The following SH2D4B variants were observed in gnomAD, a reference collection of about 807,000 sequenced individuals.
SH2D4B encodes the protein SH2 domain-containing protein 4B.
Under a neutral mutation model 61.5 loss-of-function variants are expected in SH2D4B, and 45 were observed. That is an observed-to-expected ratio of 0.73 (90% confidence interval 0.58 to 0.94). SH2D4B has a LOEUF of 0.94. Among genes scored for constraint, SH2D4B ranks in the 40% least tolerant of loss-of-function variants. The probability of loss-of-function intolerance (pLI) is 0.00; values close to 1 mark genes in which losing one functional copy is unlikely to be tolerated. For missense variants in SH2D4B, 572 were observed against 574.2 expected, an observed-to-expected ratio of 1.00 and a Z score of 0.04; for synonymous variants, 224 against 220.4, an observed-to-expected ratio of 1.02 and a Z score of -0.14.
At chr10:80,602,335 C>T (rs560069578) in intron 4 of SH2D4B, among the ~76,000 whole-genome samples, 165 of 152,244 alleles carry the variant, frequency 1.1e-3, no homozygotes, top group African/African-American at 3.8e-3. Flanking sequence ...TGGTGGCGCA[C>T]ACCTGTACTC....
chr10:80,566,658 G>C (rs927813813), intron 1 of SH2D4B, among the ~76,000 whole-genome samples: 1 of 152,120 alleles, frequency 6.6e-6, no homozygotes, highest in Admixed American at 6.5e-5. Flanking sequence ...AAAGAGGGGG[G>C]ATCTCTGCTG....
intron 4 of SH2D4B, among the ~76,000 whole-genome samples, chr10:80,594,927 A>C (rs761291536): frequency 4.3e-4 from 66 of 152,322 alleles, no homozygotes; most frequent in Non-Finnish European, 5.7e-4. Flanking sequence ...GGGAAGGTGG[A>C]TGGGTGGAAA....
In SH2D4B at chr10:80,546,034, T is replaced by TTCTC. The variant is rs1196253970; in HGVS notation, c.184+7525_184+7528dup. Among the ~76,000 whole-genome samples the TTCTC allele has an allele frequency of 8.6e-5, 13 of 151,132 alleles. No individual in the cohort carries two copies. In the South Asian group the frequency reaches 1.3e-3, roughly 15 times the overall value. On this transcript the variant is annotated intron_variant, in intron 1 of 7. Transcript: ENST00000646907. ...TCTTTCTTTCTTTCTCTTTCTTTCT[T>TTCTC]TCTCTCTCTTTCTTTTTTTTTTTTT...
intron 5 of SH2D4B, among the ~76,000 whole-genome samples, chr10:80,605,836 A>T (rs938478805): frequency 6.6e-6 from 1 of 152,166 alleles, no homozygotes; most frequent in African/African-American, 2.4e-5. Flanking sequence ...TATTTTCTAA[A>T]TTTGGGGGCA....
At chr10:80,558,402 A>ATT (rs1183520785) in intron 1 of SH2D4B, among the ~76,000 whole-genome samples, 3 of 152,206 alleles carry the variant, frequency 2.0e-5, no homozygotes, top group African/African-American at 7.2e-5. Flanking sequence ...TACTTATCCT[A>ATT]TTAATCACCA....
intron 7 of SH2D4B, 34 bp from the exon 8 acceptor site, chr10:80,643,959 T>C (rs1389740413): frequency 6.4e-7 from 1 of 1,557,618 alleles, no homozygotes; most frequent in East Asian, 2.2e-5. Context: ...CCTGTCTTGA[T>C]TATAAGTGGA....
chr10:80,615,595 G>A (rs1842651379), intron 6 of SH2D4B, among the ~76,000 whole-genome samples: 2 of 152,216 alleles, frequency 1.3e-5, no homozygotes, highest in Non-Finnish European at 2.9e-5. Context: ...GGAAAATCTG[G>A]GGATGCCCTG....
chr10:80,616,707 A>T (rs1267638665), intron 6 of SH2D4B, among the ~76,000 whole-genome samples: 1 of 152,110 alleles, frequency 6.6e-6, no homozygotes, highest in African/African-American at 2.4e-5. Flanking sequence ...TATCTATGGG[A>T]TGTGGTGGTT....
chr10:80,587,151 GTT>G (rs58312366), intron 3 of SH2D4B, among the ~76,000 whole-genome samples: 655 of 48,338 alleles, frequency 0.014, 12 homozygotes, highest in African/African-American at 0.076. Context: ...TTTTTGTTTT[GTT>G]TTTTTTTTTT....
intron 3 of SH2D4B, among the ~76,000 whole-genome samples, chr10:80,586,457 T>A (rs1364444555): frequency 1.3e-5 from 2 of 152,152 alleles, no homozygotes. Flanking sequence ...TGTGTCTACC[T>A]CAGGGTTTGT....
rs950426380 is a variant in SH2D4B, at chr10:80,539,046, G to A, written c.184+531G>A. 1.3e-5 allele frequency among the ~76,000 whole-genome samples: 2 copies of A among 152,206 alleles called. No homozygotes were observed. The highest frequency in any genetic ancestry group is 6.5e-5 in the Admixed American group (1 of 15,288). On this transcript the variant is annotated intron_variant, in intron 1 of 7. Coordinates refer to ENST00000646907, the MANE Select transcript of SH2D4B (RefSeq NM_001388272.1). This position sits in a 1 kb window ranked among gnomAD's most constrained non-coding sequence, Gnocchi z 4.9. ...GTCTCTGGAGCCCCACTGGGCATCC[G>A]GAGAGAGGGCATCAGGGAACGTCCC...
At chr10:80,561,923 C>T (rs1841906068) in intron 1 of SH2D4B, among the ~76,000 whole-genome samples, 1 of 151,966 alleles carries the variant, frequency 6.6e-6, no homozygotes, top group African/African-American at 2.4e-5. Flanking sequence ...CATTTTGCAA[C>T]AGACTGAATG....
At chr10:80,572,968 A>T (rs1475962177) in intron 3 of SH2D4B, among the ~76,000 whole-genome samples, 1 of 6,250 alleles carries the variant, frequency 1.6e-4, no homozygotes, top group Non-Finnish European at 2.9e-4. Flanking sequence ...ATATATATAT[A>T]TATATATATA....
Position 80,554,993 on chromosome 10 carries a change from G to A in SH2D4B, c.185-15161G>A, listed in dbSNP as rs182097918. 6.2e-3 allele frequency among the ~76,000 whole-genome samples: 756 copies of A among 121,756 alleles called. 8 individuals are homozygous for A. The highest frequency in any genetic ancestry group is 0.023 in the African/African-American group (725 of 30,864). 79.9% of individuals were successfully genotyped at this position (121,756 alleles called of 152,430 possible). A position where few individuals can be genotyped will look rare whatever the true frequency, so the allele number is the denominator to read the frequency against. On this transcript the variant is annotated intron_variant, in intron 1 of 7. Transcript: ENST00000646907. ...CACTGCACTCCAGCCTGGGCGACAA[G>A]GCGAGTCTCAAAAAAAAAAAAAAAA...
intron 6 of SH2D4B, among the ~76,000 whole-genome samples, chr10:80,610,727 C>G (rs909602249): frequency 2.6e-5 from 4 of 152,184 alleles, no homozygotes; most frequent in African/African-American, 9.6e-5. Context: ...TCATGTTGGT[C>G]AGATTGGATA....
rs769408150 is a variant in SH2D4B, at chr10:80,600,520, C to CGTGTGTGTGTGTGT, written c.644-3059_644-3058insGTGTGTGTGTGTGT. On this transcript the variant is annotated intron_variant, in intron 4 of 7. Coordinates refer to ENST00000646907, the MANE Select transcript of SH2D4B (RefSeq NM_001388272.1). ...GTGGTGGAGCTACAGTGCAGAGTGG[C>CGTGTGTGTGTGTGT]ATGTGTGTGTGTGTGTGTGTGTGTG... is the stretch of plus-strand genomic sequence containing the variant. Among the ~76,000 whole-genome samples the CGTGTGTGTGTGTGT allele has an allele frequency of 7.5e-3, 996 of 133,688 alleles. 11 individuals carry two copies. Among genetic ancestry groups the CGTGTGTGTGTGTGT allele is most frequent in the African/African-American group, 0.022 (761 of 34,528 alleles). The allele number at this position is 133,688 out of a possible 152,430, so 87.7% of individuals were successfully genotyped here. A position where few individuals can be genotyped will look rare whatever the true frequency, so the allele number is the denominator to read the frequency against.
intron 7 of SH2D4B, among the ~76,000 whole-genome samples, chr10:80,636,128 C>T (rs1056300869): frequency 2.6e-5 from 4 of 152,168 alleles, no homozygotes; most frequent in Admixed American, 6.5e-5. Context: ...GACAGGAACT[C>T]ATCCTTTTTT....
chr10:80,582,043 C>G (rs1248138794), intron 3 of SH2D4B, among the ~76,000 whole-genome samples: 1 of 152,166 alleles, frequency 6.6e-6, no homozygotes, highest in Non-Finnish European at 1.5e-5. Context: ...TAAAAGTAGA[C>G]AAAATTCCGA....
intron 1 of SH2D4B, among the ~76,000 whole-genome samples, chr10:80,551,525 A>C (rs1173349087): frequency 6.6e-6 from 1 of 152,200 alleles, no homozygotes; most frequent in African/African-American, 2.4e-5. Context: ...CAACCAATAG[A>C]AAAATGAAGG....
Sources: allele counts gnomAD v4.1 joint callset (sites outside exome capture counted in the v4.1 genomes callset), GRCh38; gene constraint gnomAD v4.1.1; non-coding constraint Gnocchi (gnomAD v3.1); transcripts MANE v1.5; gene names NCBI Gene and HGNC (gene_info 2026-07-23, HGNC 2026-07-21).